Variants in TASP1 observed in about 807,000 individuals in gnomAD.
The protein encoded by TASP1 is threonine aspartase 1.
In TASP1, 16 loss-of-function variants were observed where a neutral mutation model predicts 56.6. The observed-to-expected ratio is 0.28, with a 90% CI of 0.19 to 0.43. The LOEUF is 0.43. Among genes scored for constraint, TASP1 ranks in the 20% least tolerant of loss-of-function variants. The pLI is 1.00. For synonymous variants in TASP1, 179 were observed against 184.2 expected (o/e 0.97, Z 0.23); for missense variants, 393 against 511.6 (o/e 0.77, Z 2.24).
chr20:13,372,829 T>C, the TASP1 span, among the ~76,000 whole-genome samples: 2 of 152,068 alleles, frequency 1.3e-5, no homozygotes, highest in African/African-American at 4.8e-5. Context: ...GGGCTTACCA[T>C]ATACATCAGA....
chr20:13,535,449 T>TA (rs1238517761), intron 8 of TASP1, among the ~76,000 whole-genome samples: 1 of 152,182 alleles, frequency 6.6e-6, no homozygotes, highest in Non-Finnish European at 1.5e-5. Context: ...AATATACTGA[T>TA]ACACTATGAC....
In TASP1 at chr20:13,394,386, G is replaced by A. The variant is rs569194918; in HGVS notation, c.1171-3934C>T. ...AGCACTTTGGGAGGCCAAGGCGGGC[G>A]GATCACGAGGTCAGGAGTTTGAGAC... On this transcript the variant is annotated intron_variant, in intron 13 of 13. Coordinates refer to ENST00000337743, the MANE Select transcript of TASP1 (RefSeq NM_017714.3). Among the ~76,000 whole-genome samples the A allele has an allele frequency of 2.6e-4, 39 of 150,526 alleles. 1 individual carries two copies. Among genetic ancestry groups the A allele is most frequent in the African/African-American group, 7.9e-4 (32 of 40,624 alleles).
chr20:13,224,244 G>A, the TASP1 span, among the ~76,000 whole-genome samples: 4 of 152,126 alleles, frequency 2.6e-5, no homozygotes, highest in Non-Finnish European at 5.9e-5. Context: ...TTGCTGTTTT[G>A]TAATTTGTTA....
At chr20:13,306,438 G>A in the TASP1 span, among the ~76,000 whole-genome samples, 2 of 151,782 alleles carry the variant, frequency 1.3e-5, no homozygotes, top group Non-Finnish European at 1.5e-5. Context: ...TTAGACATGC[G>A]GTTTTGCTTT....
At chr20:13,468,666 G>T (rs1278240139) in intron 11 of TASP1, among the ~76,000 whole-genome samples, 1 of 152,048 alleles carries the variant, frequency 6.6e-6, no homozygotes, top group Admixed American at 6.6e-5. Context: ...AGTGTCATAT[G>T]ATTTAATTTC....
At chr20:13,378,215 C>G in the TASP1 span, among the ~76,000 whole-genome samples, 1 of 152,200 alleles carries the variant, frequency 6.6e-6, no homozygotes, top group African/African-American at 2.4e-5. Flanking sequence ...GCATTTAGTG[C>G]TATAAATTTC....
chr20:13,133,780 T>C, the TASP1 span, among the ~76,000 whole-genome samples: 1 of 152,150 alleles, frequency 6.6e-6, no homozygotes, highest in Non-Finnish European at 1.5e-5. Context: ...CGTACAGGGA[T>C]GGTCCAGTGA....
the TASP1 span, among the ~76,000 whole-genome samples, chr20:13,318,865 G>T: frequency 6.6e-6 from 1 of 152,218 alleles, no homozygotes; most frequent in South Asian, 2.1e-4. Context: ...GTTGCCAGGG[G>T]TTGAGAAGAG....
chr20:13,400,141 T>C (rs1339792162), intron 13 of TASP1, among the ~76,000 whole-genome samples: 2 of 152,192 alleles, frequency 1.3e-5, no homozygotes, highest in South Asian at 2.1e-4. Flanking sequence ...CCCACCAGTA[T>C]GTAAGTCCTC....
intron 11 of TASP1, among the ~76,000 whole-genome samples, chr20:13,437,083 G>A (rs941565252): frequency 6.6e-6 from 1 of 152,028 alleles, no homozygotes; most frequent in African/African-American, 2.4e-5. Context: ...CAATATCCCT[G>A]ATGAACATCG....
the TASP1 span, among the ~76,000 whole-genome samples, chr20:13,267,565 G>C: frequency 6.6e-6 from 1 of 152,142 alleles, no homozygotes; most frequent in African/African-American, 2.4e-5. Flanking sequence ...AAGTCCTCGA[G>C]TCCTAGAGAG....
At chr20:13,275,472 G>A in the TASP1 span, among the ~76,000 whole-genome samples, 1 of 152,190 alleles carries the variant, frequency 6.6e-6, no homozygotes, top group Admixed American at 6.5e-5. Context: ...AGATTCTCAT[G>A]GGGTACTGCT....
rs745752001 is a variant in TASP1, at chr20:13,417,470, G to A, written c.1148C>T (p.Ser383Leu). The A allele has an allele frequency of 1.9e-6, 3 of 1,614,154 alleles. No homozygotes were observed. Among genetic ancestry groups the A allele is most frequent in the Non-Finnish European group, 2.5e-6 (3 of 1,180,008 alleles). Residue 383 changes from serine to leucine, a missense_variant, in exon 13 of 14, where the codon TCA becomes TTA. Ser to Leu is a moderately radical substitution (Grantham distance 145, BLOSUM62 -2). Transcript: ENST00000337743. Reference sequence around the variant, plus strand: ...TACCTTGGCTTTCCCATCCTGGGCTGACATATATCCGACACACATGCTCTC... The same window carrying A: ...TACCTTGGCTTTCCCATCCTGGGCTAACATATATCCGACACACATGCTCTC... ...TTESMCVGYM[S>L]AQDGKAKTHI...
chr20:13,268,011 A>AG, the TASP1 span, among the ~76,000 whole-genome samples: 1 of 152,234 alleles, frequency 6.6e-6, no homozygotes, highest in South Asian at 2.1e-4. Flanking sequence ...TTGGAGATTA[A>AG]GGGAAAAAAG....
chr20:13,148,247 CT>C, the TASP1 span, among the ~76,000 whole-genome samples: 3,100 of 152,276 alleles, frequency 0.02, 52 homozygotes, highest in Non-Finnish European at 0.031. Context: ...TTTTCTTCCC[CT>C]GACCCAGCTG....
intron 11 of TASP1, among the ~76,000 whole-genome samples, chr20:13,444,049 C>T (rs180831530): frequency 2.0e-5 from 3 of 152,266 alleles, no homozygotes; most frequent in East Asian, 1.9e-4. Context: ...CTCTCTGAAC[C>T]GTGCTTTTTT....
chr20:13,574,167 AAC>A (rs1274899074), intron 6 of TASP1, among the ~76,000 whole-genome samples: 1 of 152,214 alleles, frequency 6.6e-6, no homozygotes, highest in African/African-American at 2.4e-5. Flanking sequence ...AGCCAGGAAC[AAC>A]AGCTCCTGCT....
At chr20:13,240,112 A>T in the TASP1 span, among the ~76,000 whole-genome samples, 1 of 152,254 alleles carries the variant, frequency 6.6e-6, no homozygotes, top group African/African-American at 2.4e-5. Flanking sequence ...AGCATTGAGC[A>T]CTGCCCAGCC....
chr20:13,273,726 C>A, the TASP1 span, among the ~76,000 whole-genome samples: 1 of 152,144 alleles, frequency 6.6e-6, no homozygotes. Context: ...AAAATTAATG[C>A]GGCTCCAGCC....
Sources: gnomAD v4.1 joint callset for allele counts (sites outside exome capture counted in the v4.1 genomes callset) on GRCh38, gnomAD v4.1.1 for gene constraint, MANE v1.5 for transcripts, NCBI Gene and HGNC (gene_info 2026-07-23, HGNC 2026-07-21) for gene names.